Variants in FAM162A observed in about 807,000 individuals in gnomAD.
FAM162A encodes family with sequence similarity 162 member A, also known as protein FAM162A.
A neutral mutation model predicts 21.8 loss-of-function variants in FAM162A; 23 were observed. That is an observed-to-expected ratio of 1.05 (90% CI 0.76 to 1.49). The LOEUF (loss-of-function observed/expected upper bound fraction) is 1.49, where lower values mean the gene tolerates loss of function less well. Among genes scored for constraint, FAM162A ranks in the 40% most tolerant of loss-of-function variants. FAM162A has a pLI of 0.00. For synonymous variants in FAM162A, 53 were observed against 61.3 expected, an observed-to-expected ratio of 0.86 and a Z score of 0.64; for missense variants, 165 against 186.4, an observed-to-expected ratio of 0.89 and a Z score of 0.67.
chr3:122,410,593 G>A lies in FAM162A; in HGVS notation c.*762G>A, dbSNP rs1027322659. On this transcript the variant is annotated 3_prime_UTR_variant, in exon 5 of 5. Transcript: ENST00000477892. Reference sequence around the variant, plus strand: ...ATTTACAGTTTGACCTTGGGATATCGAGTTGTCTCATATTTAGGTATGAAT... The same window carrying A: ...ATTTACAGTTTGACCTTGGGATATCAAGTTGTCTCATATTTAGGTATGAAT... 3.3e-5 allele frequency: 5 copies of A among 152,146 alleles called. No homozygotes were observed. Among genetic ancestry groups the A allele is most frequent in the East Asian group, 1.9e-4 (1 of 5,208 alleles). 9.4% of individuals were successfully genotyped at this position (152,146 alleles called of 1,614,324 possible). A position where few individuals can be genotyped will look rare whatever the true frequency, so the allele number is the denominator to read the frequency against.
chr3:122,386,273 A>G (rs9873684), intron 1 of FAM162A, among the ~76,000 whole-genome samples: 55,185 of 152,068 alleles, frequency 0.36, 11,356 homozygotes, highest in East Asian at 0.65. Flanking sequence ...TGTAGGCTCA[A>G]TGTGGTGGCT....
chr3:122,409,737 A>G lies in FAM162A; in HGVS notation c.373-2A>G, dbSNP rs2075695104. The G allele has an allele frequency of 6.2e-7, 1 of 1,613,972 alleles. No homozygotes were observed. Among genetic ancestry groups the G allele is most frequent in the Non-Finnish European group, 8.5e-7 (1 of 1,179,852 alleles). On this transcript the variant is annotated splice_acceptor_variant, in intron 4 of 4. Transcript: ENST00000477892. LOFTEE classifies it high-confidence loss of function. ...CACCTGTTCAAATCTGTTTTGCTTTAGGCTGCCCAAAGACACGAGACTTTA... is the reference window on the plus strand; with the variant it reads ...CACCTGTTCAAATCTGTTTTGCTTTGGGCTGCCCAAAGACACGAGACTTTA...
chr3:122,402,732 C>T (rs2075658389), intron 1 of FAM162A, 28 bp from the exon 2 acceptor site: 9 of 1,493,680 alleles, frequency 6.0e-6, no homozygotes, highest in Non-Finnish European at 8.0e-6. Flanking sequence ...TTCTTTCTTT[C>T]TTTGAAACAT....
At chr3:122,400,147 G>A (rs145864497) in intron 1 of FAM162A, among the ~76,000 whole-genome samples, 346 of 151,642 alleles carry the variant, frequency 2.3e-3, no homozygotes, top group Middle Eastern at 6.8e-3. Context: ...CGATAGAGTG[G>A]ATAAAGAAAA....
At chr3:122,388,572 A>C (rs1215497513) in intron 1 of FAM162A, among the ~76,000 whole-genome samples, 1 of 152,188 alleles carries the variant, frequency 6.6e-6, no homozygotes, top group Non-Finnish European at 1.5e-5. Flanking sequence ...TGGTGTAAAT[A>C]ATAGGAACTG....
intron 1 of FAM162A, chr3:122,401,508 T>C: frequency 7.9e-7 from 1 of 1,269,880 alleles, no homozygotes; most frequent in Non-Finnish European, 1.0e-6. Flanking sequence ...AAGTATCTTA[T>C]AAGAACTGTT....
intron 1 of FAM162A, among the ~76,000 whole-genome samples, chr3:122,401,781 T>G (rs2075654578): frequency 6.6e-6 from 1 of 152,244 alleles, no homozygotes; most frequent in African/African-American, 2.4e-5. Flanking sequence ...GAAAAGTGTC[T>G]GCTCACGTCC....
At position 122,411,023 on chromosome 3, in the gene FAM162A, G is replaced by A. The variant is rs535428667; in HGVS notation, c.*1192G>A. ...AATAAACGGTATCATAGGTATGTAT[G>A]TATACGAAAAACATAGTATATGCAG... On this transcript the variant is annotated 3_prime_UTR_variant, in exon 5 of 5. Transcript: ENST00000477892. 1 of 152,350 alleles carries A rather than the reference G, an allele frequency of 6.6e-6. No homozygotes were observed. The highest frequency in any genetic ancestry group is 1.9e-4 in the East Asian group (1 of 5,190). The allele number at this position is 152,350 out of a possible 1,614,324, so 9.4% of individuals were successfully genotyped here.
intron 1 of FAM162A, among the ~76,000 whole-genome samples, chr3:122,398,224 G>A (rs1456640008): frequency 2.6e-5 from 4 of 152,148 alleles, no homozygotes; most frequent in East Asian, 3.8e-4. Flanking sequence ...AATAGTTAAT[G>A]TGAAGGGGGA....
intron 1 of FAM162A, among the ~76,000 whole-genome samples, chr3:122,394,447 A>G (rs913301586): frequency 3.3e-5 from 5 of 152,240 alleles, no homozygotes; most frequent in African/African-American, 1.2e-4. Context: ...CTAGCTGACC[A>G]CTAAGATAAC....
At chr3:122,396,809 T>C (rs1415400931) in intron 1 of FAM162A, among the ~76,000 whole-genome samples, 2 of 152,218 alleles carry the variant, frequency 1.3e-5, no homozygotes, top group Admixed American at 6.5e-5. Flanking sequence ...AATCAAGTGC[T>C]GACAAATGCT....
chr3:122,392,476 T>C (rs2075607953), intron 1 of FAM162A, among the ~76,000 whole-genome samples: 1 of 152,198 alleles, frequency 6.6e-6, no homozygotes, highest in South Asian at 2.1e-4. Context: ...ATAATTAAAA[T>C]GGTAAATTTT....
At chr3:122,404,179 C>G in intron 2 of FAM162A, 79 bp from the exon 3 acceptor site, 1 of 574,866 alleles carries the variant, frequency 1.7e-6, no homozygotes, top group Non-Finnish European at 3.0e-6. Context: ...TTAAAAAGCA[C>G]TAATACCATT....
At chr3:122,402,139 G>A (rs150359860) in intron 1 of FAM162A, among the ~76,000 whole-genome samples, 53 of 151,970 alleles carry the variant, frequency 3.5e-4, no homozygotes, top group African/African-American at 1.1e-3. Flanking sequence ...GCCATATAGC[G>A]ATCATTGTTG....
At position 122,404,333 on chromosome 3, in the gene FAM162A, A is replaced by G. The variant is rs372973157; in HGVS notation, c.233A>G (p.Lys78Arg). The G allele has an allele frequency of 6.9e-6, 11 of 1,605,394 alleles. No individual in the cohort carries two copies. The highest frequency in any genetic ancestry group is 4.5e-5 in the East Asian group (2 of 44,218). ...KKILIWSGRF[K>R]KEDEIPETVS... ...ATCCTCATATGGTCAGGTCGCTTCA[A>G]AAAGGAAGATGAAATCCCAGAGACT... The change falls in exon 3 of 5, where the codon AAA becomes AGA. Residue 78 changes from lysine to arginine, a missense_variant. By Grantham distance (26) the Lys-to-Arg change is conservative. Coordinates refer to ENST00000477892, the MANE Select transcript of FAM162A (RefSeq NM_014367.4).
chr3:122,384,971 C>CT (rs202099048), intron 1 of FAM162A, among the ~76,000 whole-genome samples: 124 of 150,934 alleles, frequency 8.2e-4, no homozygotes, highest in African/African-American at 2.8e-3. Flanking sequence ...AAGCTTAATT[C>CT]TTTTTTTTTG....
At chr3:122,409,482 G>C (rs774827814) in intron 4 of FAM162A, among the ~76,000 whole-genome samples, 6 of 152,094 alleles carry the variant, frequency 3.9e-5, no homozygotes, top group Non-Finnish European at 8.8e-5. Flanking sequence ...AGAGGATAAA[G>C]ACTGAAAGAA....
At chr3:122,395,535 GA>G (rs1315875823) in intron 1 of FAM162A, among the ~76,000 whole-genome samples, 1 of 152,114 alleles carries the variant, frequency 6.6e-6, no homozygotes. Context: ...AGAAATTAAA[GA>G]AGACCCAAAT....
chr3:122,405,245 A>C (rs1356635150), intron 3 of FAM162A, among the ~76,000 whole-genome samples: 1 of 152,248 alleles, frequency 6.6e-6, no homozygotes, highest in Non-Finnish European at 1.5e-5. Context: ...GTTCCCTGTC[A>C]GCAAGAAACT....
Sources: gnomAD v4.1 joint callset for allele counts (sites outside exome capture counted in the v4.1 genomes callset) on GRCh38, gnomAD v4.1.1 for gene constraint, MANE v1.5 for transcripts, NCBI Gene and HGNC (gene_info 2026-07-23, HGNC 2026-07-21) for gene names.